KIAA1217: variants seen among roughly 807,000 people sequenced by gnomAD.
KIAA1217 encodes the protein KIAA1217.
KIAA1217 carries 88 observed loss-of-function variants against 163.9 expected under a neutral mutation model. The observed-to-expected ratio is 0.54, with a 90% CI of 0.45 to 0.64. The LOEUF is 0.64. Ranked by LOEUF, KIAA1217 falls within the 30% of genes least tolerant of loss-of-function variation. KIAA1217 has a pLI of 0.00. For synonymous variants in KIAA1217, 903 were observed against 923.1 expected, an observed-to-expected ratio of 0.98 and a Z score of 0.39; for missense variants, 2,372 against 2,475.0, an observed-to-expected ratio of 0.96 and a Z score of 0.88.
chr10:24,149,068 C>T (rs2064476095), intron 2 of KIAA1217, among the ~76,000 whole-genome samples: 1 of 152,160 alleles, frequency 6.6e-6, no homozygotes, highest in African/African-American at 2.4e-5. Flanking sequence ...TATGGAATCA[C>T]AGTTAAAGTT....
At chr10:24,468,901 G>A (rs2063210761) in intron 5 of KIAA1217, among the ~76,000 whole-genome samples, 1 of 152,068 alleles carries the variant, frequency 6.6e-6, no homozygotes, top group Non-Finnish European at 1.5e-5. Context: ...ATTCTAGTTA[G>A]ATCTTTAAAT....
At chr10:23,778,678 G>A (rs1219768405) in intron 1 of KIAA1217, among the ~76,000 whole-genome samples, 1 of 152,138 alleles carries the variant, frequency 6.6e-6, no homozygotes, top group Admixed American at 6.5e-5. Flanking sequence ...TGGCTATTTG[G>A]GGCCAATTGC....
At chr10:24,245,030 G>A (rs772571322) in intron 2 of KIAA1217, among the ~76,000 whole-genome samples, 7 of 152,148 alleles carry the variant, frequency 4.6e-5, no homozygotes, top group Non-Finnish European at 1.0e-4. Context: ...GAAAAGGAAT[G>A]TACAGCCAAG....
chr10:24,490,358 A>C (rs866457604), intron 6 of KIAA1217, among the ~76,000 whole-genome samples: 3 of 152,246 alleles, frequency 2.0e-5, no homozygotes, highest in South Asian at 2.1e-4. Context: ...TTGCCACTGC[A>C]ATAAAATGAC....
intron 2 of KIAA1217, among the ~76,000 whole-genome samples, chr10:24,362,136 A>C (rs1435103148): frequency 6.6e-6 from 1 of 152,204 alleles, no homozygotes; most frequent in Non-Finnish European, 1.5e-5. Flanking sequence ...TAACATTTGC[A>C]TCCTTAGTCT....
chr10:23,910,562 C>A (rs998621439), intron 1 of KIAA1217, among the ~76,000 whole-genome samples: 1 of 152,122 alleles, frequency 6.6e-6, no homozygotes, highest in African/African-American at 2.4e-5. Context: ...CCCTTAAGAA[C>A]AGGACTCTCA....
Position 24,224,946 on chromosome 10 carries a change from C to T in KIAA1217, c.354+5037C>T, listed in dbSNP as rs953507728. 4.4e-4 allele frequency among the ~76,000 whole-genome samples: 67 copies of T among 151,560 alleles called. 1 individual carries two copies. The highest frequency in any genetic ancestry group is 7.2e-4 in the Admixed American group (11 of 15,212). ...GGTTCACGCCATTCTCCTGCCTCAG[C>T]CTCCCGAGTAGCTGGGACTACAGGC... On this transcript the variant is annotated intron_variant, in intron 2 of 20. Coordinates refer to ENST00000376454, the MANE Select transcript of KIAA1217 (RefSeq NM_019590.5).
At chr10:24,270,807 A>C (rs574045429) in intron 2 of KIAA1217, among the ~76,000 whole-genome samples, 1 of 152,326 alleles carries the variant, frequency 6.6e-6, no homozygotes, top group Non-Finnish European at 1.5e-5. Context: ...TTGGCCTCCC[A>C]AGGTGATGGG....
exon 1 of KIAA1217, chr10:23,694,820 C>A (rs1835923575): frequency 1.3e-5 from 2 of 152,696 alleles, no homozygotes; most frequent in East Asian, 1.9e-4. Flanking sequence ...GCTCCTCCCT[C>A]TCCTCTGCAC....
intron 3 of KIAA1217, among the ~76,000 whole-genome samples, chr10:24,415,728 T>C (rs1554854913): frequency 6.6e-6 from 1 of 152,082 alleles, no homozygotes; most frequent in Non-Finnish European, 1.5e-5. Flanking sequence ...CTTAGAGAAT[T>C]GGGCCCTTTT....
intron 2 of KIAA1217, among the ~76,000 whole-genome samples, chr10:24,096,767 C>G (rs1366547346): frequency 6.6e-6 from 1 of 152,154 alleles, no homozygotes; most frequent in African/African-American, 2.4e-5. Context: ...CCCGTGACTC[C>G]AGAGACTAGA....
intron 2 of KIAA1217, among the ~76,000 whole-genome samples, chr10:24,069,971 C>A (rs2061121331): frequency 6.6e-6 from 1 of 152,166 alleles, no homozygotes; most frequent in African/African-American, 2.4e-5. Context: ...TCCTGAGTAG[C>A]TAGGACTACA....
intron 13 of KIAA1217, among the ~76,000 whole-genome samples, chr10:24,526,401 G>A (rs1446013924): frequency 1.3e-5 from 2 of 152,172 alleles, no homozygotes; most frequent in Non-Finnish European, 2.9e-5. Context: ...TAGGGCAGGG[G>A]AGGGAAAGAC....
chr10:24,100,968 G>A (rs764872241), intron 2 of KIAA1217, among the ~76,000 whole-genome samples: 7 of 152,188 alleles, frequency 4.6e-5, no homozygotes, highest in African/African-American at 1.7e-4. Context: ...TAAATGTTTT[G>A]TATCAGAAAT....
At chr10:24,245,234 CT>C (rs1191836671) in intron 2 of KIAA1217, among the ~76,000 whole-genome samples, 1 of 152,212 alleles carries the variant, frequency 6.6e-6, no homozygotes, top group East Asian at 1.9e-4. Context: ...GTTTCCTACT[CT>C]GAGTTTCACT....
chr10:24,118,409 C>T (rs1298521326), intron 2 of KIAA1217, among the ~76,000 whole-genome samples: 1 of 152,152 alleles, frequency 6.6e-6, no homozygotes, highest in Non-Finnish European at 1.5e-5. Context: ...CCTAGAAAAC[C>T]GAGCGCCTTA....
At chr10:24,019,935 A>C (rs1370655997) in intron 2 of KIAA1217, among the ~76,000 whole-genome samples, 2 of 152,048 alleles carry the variant, frequency 1.3e-5, no homozygotes, top group Non-Finnish European at 2.9e-5. Flanking sequence ...AGGACCCCCA[A>C]AATTCAAAGT....
chr10:24,547,068 T>TG lies in KIAA1217; in HGVS notation c.*744_*745insG. On this transcript the variant is annotated 3_prime_UTR_variant, in exon 21 of 21. Coordinates refer to ENST00000376454, the MANE Select transcript of KIAA1217 (RefSeq NM_019590.5). ...TCTTTTTTCCTTCCTTTTTTTTTTT[T>TG]TTTTCTTTTTTAACATGTTGAGATT... The TG allele has an allele frequency of 6.6e-6, 1 of 151,362 alleles. No individual in the cohort carries two copies. Among genetic ancestry groups the TG allele is most frequent in the Non-Finnish European group, 1.5e-5 (1 of 67,684 alleles). The allele number at this position is 151,362 out of a possible 1,614,324, so 9.4% of individuals were successfully genotyped here.
At chr10:24,202,455 G>A (rs2067313755) in intron 2 of KIAA1217, among the ~76,000 whole-genome samples, 1 of 152,256 alleles carries the variant, frequency 6.6e-6, no homozygotes, top group South Asian at 2.1e-4. Flanking sequence ...ACCAGTCACA[G>A]GCTTCTCCTT....
Sources: allele counts gnomAD v4.1 joint callset (sites outside exome capture counted in the v4.1 genomes callset), GRCh38; gene constraint gnomAD v4.1.1; transcripts MANE v1.5; gene names NCBI Gene and HGNC (gene_info 2026-07-23, HGNC 2026-07-21).